The following HS6ST3 variants were observed in gnomAD, a reference collection of about 807,000 sequenced individuals.
The protein encoded by HS6ST3 is heparan-sulfate 6-O-sulfotransferase 3.
A neutral mutation model predicts 36.7 loss-of-function variants in HS6ST3; 12 were observed. That is an observed-to-expected ratio of 0.33 (90% confidence interval 0.21 to 0.53). The LOEUF (loss-of-function observed/expected upper bound fraction) is 0.53. Ranked by LOEUF, HS6ST3 falls within the 20% of genes least tolerant of loss-of-function variation. The probability of loss-of-function intolerance (pLI) is 0.95; values close to 1 mark genes in which losing one functional copy is unlikely to be tolerated. For missense variants in HS6ST3, 584 were observed against 640.9 expected, an observed-to-expected ratio of 0.91 and a Z score of 0.96; for synonymous variants, 240 against 257.5, an observed-to-expected ratio of 0.93 and a Z score of 0.65.
chr13:96,259,017 T>G (rs987933761), intron 1 of HS6ST3, among the ~76,000 whole-genome samples: 1 of 151,996 alleles, frequency 6.6e-6, no homozygotes, highest in African/African-American at 2.4e-5. Context: ...CAAGCAGATA[T>G]AGTGAGGGGA....
chr13:96,304,065 C>T (rs2054896714), intron 1 of HS6ST3, among the ~76,000 whole-genome samples: 1 of 151,806 alleles, frequency 6.6e-6, no homozygotes. Context: ...ATTGCTTGAA[C>T]CCGGGAGGTG....
intron 1 of HS6ST3, among the ~76,000 whole-genome samples, chr13:96,172,835 A>C (rs527648842): frequency 1.3e-5 from 2 of 152,340 alleles, no homozygotes; most frequent in East Asian, 3.9e-4. Flanking sequence ...GTATTAATGT[A>C]ATAGACACAG....
At chr13:96,656,998 T>TGTGTGTGAGA (rs1397374817) in intron 1 of HS6ST3, among the ~76,000 whole-genome samples, 38 of 98,338 alleles carry the variant, frequency 3.9e-4, no homozygotes, top group African/African-American at 9.9e-4. Context: ...TGTGTGTGTG[T>TGTGTGTGAGA]GAGAGAGAGA....
chr13:96,798,082 A>G (rs951599895), intron 1 of HS6ST3, among the ~76,000 whole-genome samples: 5 of 152,182 alleles, frequency 3.3e-5, no homozygotes, highest in Non-Finnish European at 5.9e-5. Flanking sequence ...TTCTTAGAGC[A>G]GCTCACAGAC....
intron 1 of HS6ST3, among the ~76,000 whole-genome samples, chr13:96,374,323 T>C (rs993483255): frequency 2.6e-5 from 4 of 152,228 alleles, no homozygotes; most frequent in African/African-American, 7.2e-5. Flanking sequence ...ATTTTTAATG[T>C]CTTTTTTATA....
intron 1 of HS6ST3, among the ~76,000 whole-genome samples, chr13:96,583,396 T>C (rs1224810518): frequency 6.6e-6 from 1 of 151,682 alleles, no homozygotes; most frequent in Non-Finnish European, 1.5e-5. Flanking sequence ...GTATTTTTAG[T>C]AGAGGCAGGG....
intron 1 of HS6ST3, among the ~76,000 whole-genome samples, chr13:96,695,828 T>G (rs1247462577): frequency 6.6e-6 from 1 of 152,116 alleles, no homozygotes; most frequent in Non-Finnish European, 1.5e-5. Flanking sequence ...AACCCAACAT[T>G]AACCATATTA....
At chr13:96,360,586 G>A (rs575364599) in intron 1 of HS6ST3, among the ~76,000 whole-genome samples, 261 of 151,014 alleles carry the variant, frequency 1.7e-3, no homozygotes, top group African/African-American at 5.8e-3. Flanking sequence ...GAAACATTAC[G>A]GTTGTTTTGA....
intron 1 of HS6ST3, among the ~76,000 whole-genome samples, chr13:96,217,886 GGATA>G (rs916279258): frequency 6.6e-5 from 10 of 152,106 alleles, no homozygotes; most frequent in East Asian, 1.9e-4. Flanking sequence ...ATGGATGGAT[GGATA>G]GATAGATAGA....
intron 1 of HS6ST3, among the ~76,000 whole-genome samples, chr13:96,236,604 G>A (rs1038314189): frequency 5.3e-5 from 8 of 151,926 alleles, no homozygotes; most frequent in African/African-American, 1.9e-4. Context: ...AAACTCTGAC[G>A]CCATGAATCT....
At chr13:96,609,410 C>T (rs2056450004) in intron 1 of HS6ST3, among the ~76,000 whole-genome samples, 2 of 152,082 alleles carry the variant, frequency 1.3e-5, no homozygotes, top group African/African-American at 4.8e-5. Flanking sequence ...TTTTTCCTTT[C>T]TTTTCATTCT....
intron 1 of HS6ST3, among the ~76,000 whole-genome samples, chr13:96,794,580 T>C (rs1877866164): frequency 6.6e-6 from 1 of 152,030 alleles, no homozygotes; most frequent in Non-Finnish European, 1.5e-5. Context: ...AATAAGATAT[T>C]TGGCCAAGTG....
chr13:96,573,455 A>G (rs1411414371), intron 1 of HS6ST3, among the ~76,000 whole-genome samples: 1 of 152,170 alleles, frequency 6.6e-6, no homozygotes, highest in East Asian at 1.9e-4. Context: ...TGTCCCTGCA[A>G]GAGCATCTGG....
intron 1 of HS6ST3, among the ~76,000 whole-genome samples, chr13:96,412,023 T>C (rs1046960886): frequency 1.3e-5 from 2 of 152,144 alleles, no homozygotes; most frequent in African/African-American, 4.8e-5. Context: ...CCTTTTTTTT[T>C]GAGACGGATT....
At chr13:96,223,452 A>G (rs924577482) in intron 1 of HS6ST3, among the ~76,000 whole-genome samples, 1 of 152,192 alleles carries the variant, frequency 6.6e-6, no homozygotes, top group Non-Finnish European at 1.5e-5. Context: ...CACTGACACC[A>G]TTCAGCTAAT....
intron 1 of HS6ST3, among the ~76,000 whole-genome samples, chr13:96,235,165 A>G (rs2139369671): frequency 6.6e-6 from 1 of 152,358 alleles, no homozygotes; most frequent in Admixed American, 6.5e-5. Context: ...GAAGAGAAGT[A>G]GTTTCCCATA....
intron 1 of HS6ST3, among the ~76,000 whole-genome samples, chr13:96,150,062 G>C (rs1038566598): frequency 6.6e-6 from 1 of 152,140 alleles, no homozygotes; most frequent in Non-Finnish European, 1.5e-5. Flanking sequence ...CCTGCCATCC[G>C]CAGCTTGGCG....
At chr13:96,680,533 A>G (rs1279706712) in intron 1 of HS6ST3, among the ~76,000 whole-genome samples, 1 of 152,134 alleles carries the variant, frequency 6.6e-6, no homozygotes, top group Admixed American at 6.5e-5. Flanking sequence ...GGACACTTTC[A>G]TCACACAAGT....
chr13:96,586,247 T>G (rs2056360851), intron 1 of HS6ST3, among the ~76,000 whole-genome samples: 1 of 152,158 alleles, frequency 6.6e-6, no homozygotes, highest in South Asian at 2.1e-4. Context: ...TGATTTAAAT[T>G]TCCCTGATTA....
Sources: gnomAD v4.1 joint callset for allele counts (sites outside exome capture counted in the v4.1 genomes callset) on GRCh38, gnomAD v4.1.1 for gene constraint, MANE v1.5 for transcripts, NCBI Gene and HGNC (gene_info 2026-07-23, HGNC 2026-07-21) for gene names.